Variants in RAD21L1 observed in about 807,000 individuals in gnomAD.
RAD21L1 encodes double-strand-break repair protein rad21-like protein 1.
In RAD21L1, 47 loss-of-function variants were observed where a neutral mutation model predicts 69.0. That is an observed-to-expected ratio of 0.68 (90% CI 0.54 to 0.87). The LOEUF is 0.87. Among genes scored for constraint, RAD21L1 ranks in the 40% least tolerant of loss-of-function variants. The probability of loss-of-function intolerance (pLI) is 0.00; values close to 1 mark genes in which losing one functional copy is unlikely to be tolerated. For synonymous variants in RAD21L1, 177 were observed against 205.8 expected (o/e 0.86, Z 1.20); for missense variants, 583 against 647.6 (o/e 0.90, Z 1.08).
chr20:1,252,548 T>C (rs548867172), intron 13 of RAD21L1, among the ~76,000 whole-genome samples: 20 of 151,760 alleles, frequency 1.3e-4, no homozygotes, highest in Middle Eastern at 3.4e-3. Flanking sequence ...TCCCACTGTT[T>C]GTGGTATGAC....
In RAD21L1 at chr20:1,243,199, G is replaced by A. The variant is rs1291763347; in HGVS notation, c.1183+3G>A. On this transcript the variant is annotated splice_donor_region_variant and intron_variant, in intron 10 of 13. Coordinates refer to ENST00000683101, the MANE Select transcript of RAD21L1 (RefSeq NM_001384355.1). ...AGTGGGAAACCAAAATATAGTAGGT[G>A]AGACTTCTTAATTCTGTTGATGTTG... 2 of 1,389,032 alleles carry A rather than the reference G, an allele frequency of 1.4e-6. No individual in the cohort carries two copies. Among genetic ancestry groups the A allele is most frequent in the East Asian group, 2.5e-5 (1 of 39,492 alleles). 86.0% of individuals were successfully genotyped at this position (1,389,032 alleles called of 1,614,324 possible). A position where few individuals can be genotyped will look rare whatever the true frequency, so the allele number is the denominator to read the frequency against.
rs1164836442 is a variant in RAD21L1 at position 1,255,345 on chromosome 20, C to T, written c.*888C>T. On this transcript the variant is annotated 3_prime_UTR_variant, in exon 14 of 14. Transcript: ENST00000683101. ...GTTCTTTTGTTTGGTGTTTACTGAA[C>T]ATTTTTGACATTAAAACTGTTGTTT... is the stretch of plus-strand genomic sequence containing the variant. 6.6e-6 allele frequency among the ~76,000 whole-genome samples: 1 copy of T among 152,062 alleles called. No homozygotes were observed. Among genetic ancestry groups the T allele is most frequent in the Admixed American group, 6.6e-5 (1 of 15,250 alleles).
Position 1,242,613 on chromosome 20 carries a change from A to G in RAD21L1, c.857-6A>G, listed in dbSNP as rs1460362799. On this transcript the variant is annotated splice_polypyrimidine_tract_variant and splice_region_variant and intron_variant, in intron 8 of 13. Transcript: ENST00000683101. ...CAATCACATTTGTGCTATTTCTTATATTTAGACATTGCTGAGAAAAGGAAA... is the reference window on the plus strand; with the variant it reads ...CAATCACATTTGTGCTATTTCTTATGTTTAGACATTGCTGAGAAAAGGAAA... 4 of 1,535,784 alleles carry G rather than the reference A, an allele frequency of 2.6e-6. No homozygotes were observed. The highest frequency in any genetic ancestry group is 3.5e-6 in the Non-Finnish European group (4 of 1,132,566).
At chr20:1,250,934 C>T (rs1253422984) in intron 13 of RAD21L1, among the ~76,000 whole-genome samples, 1 of 152,156 alleles carries the variant, frequency 6.6e-6, no homozygotes, top group African/African-American at 2.4e-5. Flanking sequence ...CTGTTTAGGT[C>T]TGCTCCATAG....
chr20:1,248,912 C>G (rs997907266), intron 13 of RAD21L1, among the ~76,000 whole-genome samples: 2 of 152,086 alleles, frequency 1.3e-5, no homozygotes, highest in South Asian at 4.1e-4. Context: ...CAACTTCTTA[C>G]CCACACTAAT....
At chr20:1,233,952 A>G (rs998598074) in intron 4 of RAD21L1, 133 bp from the exon 5 acceptor site, 36 of 541,418 alleles carry the variant, frequency 6.6e-5, no homozygotes, top group African/African-American at 5.9e-4. Context: ...TGTATATATA[A>G]TAAACTAGTG....
chr20:1,230,014 A>G lies in RAD21L1; in HGVS notation c.274+5A>G. 3 of 1,542,808 alleles carry G rather than the reference A, an allele frequency of 1.9e-6. No individual in the cohort carries two copies. The highest frequency in any genetic ancestry group is 2.6e-6 in the Non-Finnish European group (3 of 1,140,696). On this transcript the variant is annotated splice_donor_5th_base_variant and intron_variant, in intron 3 of 13. Coordinates refer to ENST00000683101, the MANE Select transcript of RAD21L1 (RefSeq NM_001384355.1). ...TGAAGATGACATTTTGCCCAGGTAT[A>G]CATGTAATATTGATTTGTCTCCTTC...
At chr20:1,248,770 T>G (rs2087768440) in intron 13 of RAD21L1, 67 bp downstream of exon 13, 2 of 887,292 alleles carry the variant, frequency 2.3e-6, no homozygotes, top group Non-Finnish European at 3.4e-6. Context: ...ACTTCAAGCT[T>G]CCATATATTA....
Position 1,234,143 on chromosome 20 carries a change from CT to C in RAD21L1, c.429del (p.Arg144GlufsTer8). On this transcript the variant is annotated frameshift_variant, in exon 5 of 14. Coordinates refer to ENST00000683101, the MANE Select transcript of RAD21L1 (RefSeq NM_001384355.1). LOFTEE classifies it high-confidence loss of function. ...CCAAAGCAGACCAGAAGAAATCACT[CT>C]TAGAGAAAATTTTGACAATGATCTA... ...QNQSRPEEIT[L>X]RENFDNDLIF... The C allele has an allele frequency of 6.5e-7, 1 of 1,545,790 alleles. No homozygotes were observed. Among genetic ancestry groups the C allele is most frequent in the Non-Finnish European group, 8.8e-7 (1 of 1,142,202 alleles).
chr20:1,234,554 T>A (rs1328153816), intron 5 of RAD21L1, among the ~76,000 whole-genome samples: 1 of 152,196 alleles, frequency 6.6e-6, no homozygotes, highest in Non-Finnish European at 1.5e-5. Context: ...AGATTTTATA[T>A]GTATGCTGCA....
chr20:1,250,111 T>A (rs2087797920), intron 13 of RAD21L1, among the ~76,000 whole-genome samples: 1 of 150,286 alleles, frequency 6.7e-6, no homozygotes, highest in Admixed American at 6.6e-5. Context: ...TGGTGTTTGG[T>A]TTTTTGTCCT....
At chr20:1,231,413 G>A (rs1175018657) in intron 3 of RAD21L1, 113 bp from the exon 4 acceptor site, 1 of 664,348 alleles carries the variant, frequency 1.5e-6, no homozygotes, top group African/African-American at 1.9e-5. Context: ...AGTAGATAGA[G>A]GAAAACTAGT....
At chr20:1,248,999 T>G (rs2087772671) in intron 13 of RAD21L1, among the ~76,000 whole-genome samples, 1 of 152,172 alleles carries the variant, frequency 6.6e-6, no homozygotes, top group Admixed American at 6.5e-5. Flanking sequence ...AAACTTAGTT[T>G]ATAGCAGTTC....
chr20:1,245,675 A>T (rs1365494255), intron 11 of RAD21L1, among the ~76,000 whole-genome samples: 1 of 151,702 alleles, frequency 6.6e-6, no homozygotes, highest in African/African-American at 2.4e-5. Context: ...TTATGTCTTC[A>T]CTCCCCTTCC....
At chr20:1,236,222 G>A (rs753732020) in intron 5 of RAD21L1, among the ~76,000 whole-genome samples, 5 of 152,146 alleles carry the variant, frequency 3.3e-5, no homozygotes, top group Non-Finnish European at 7.4e-5. Context: ...CTGGAGTACT[G>A]CAATACCCTC....
intron 3 of RAD21L1, chr20:1,230,744 A>G (rs2087373029): frequency 5.3e-6 from 3 of 562,034 alleles, no homozygotes; most frequent in South Asian, 8.0e-5. Context: ...TAAAATATTC[A>G]TATAATCTCT....
At position 1,254,295 on chromosome 20, in the gene RAD21L1, C is replaced by T; in HGVS notation, c.1506C>T (p.Ser502=). Residue 502 remains serine (S), a synonymous_variant, in exon 14 of 14, where the codon TCC becomes TCT. Coordinates refer to ENST00000683101, the MANE Select transcript of RAD21L1 (RefSeq NM_001384355.1). ...LRESNKMGMQ[S]FSLMKLCRNS... ...AATCTAACAAGATGGGAATGCAGTC[C>T]TTTAGTCTGATGAAGCTCTGTAGAA... 2 of 1,547,668 alleles carry T rather than the reference C, an allele frequency of 1.3e-6. No individual in the cohort carries two copies. Among genetic ancestry groups the T allele is most frequent in the Non-Finnish European group, 8.7e-7 (1 of 1,144,792 alleles).
chr20:1,254,168 C>T, intron 13 of RAD21L1, 101 bp from the exon 14 acceptor site: 1 of 742,470 alleles, frequency 1.3e-6, no homozygotes, highest in East Asian at 2.9e-5. Context: ...GTCATTTATC[C>T]AAAATGTCAA....
intron 11 of RAD21L1, among the ~76,000 whole-genome samples, chr20:1,245,720 A>C (rs150612190): frequency 6.6e-6 from 1 of 152,180 alleles, no homozygotes; most frequent in African/African-American, 2.4e-5. Context: ...TGCCCGTGAC[A>C]GCTCCAGCAG....
Sources: gnomAD v4.1 joint callset for allele counts (sites outside exome capture counted in the v4.1 genomes callset) on GRCh38, gnomAD v4.1.1 for gene constraint, MANE v1.5 for transcripts, NCBI Gene and HGNC (gene_info 2026-07-23, HGNC 2026-07-21) for gene names.